Variants in KLHL3 observed in about 807,000 individuals in gnomAD.
KLHL3 encodes kelch like family member 3, also known as kelch-like protein 3.
A neutral mutation model predicts 70.5 loss-of-function variants in KLHL3; 19 were observed. That is an observed-to-expected ratio of 0.27 (90% confidence interval 0.19 to 0.40). The LOEUF is 0.40. Ranked by LOEUF, KLHL3 falls within the 10% of genes least tolerant of loss-of-function variation. KLHL3 has a pLI of 1.00. For synonymous variants in KLHL3, 258 were observed against 290.3 expected (o/e 0.89, Z 1.13); for missense variants, 512 against 771.1 (o/e 0.66, Z 3.98).
At chr5:137,644,325 C>T (rs1464265120) in intron 8 of KLHL3, among the ~76,000 whole-genome samples, 1 of 152,234 alleles carries the variant, frequency 6.6e-6, no homozygotes, top group East Asian at 1.9e-4. Flanking sequence ...TCGCCTCGGC[C>T]TCCCAAAGTG....
intron 3 of KLHL3, among the ~76,000 whole-genome samples, chr5:137,699,727 A>G (rs975296801): frequency 2.0e-5 from 3 of 152,230 alleles, no homozygotes; most frequent in Non-Finnish European, 4.4e-5. Flanking sequence ...GTCTTTGTAG[A>G]CTGAAATAAA....
intron 1 of KLHL3, among the ~76,000 whole-genome samples, chr5:137,726,211 T>G (rs1449987701): frequency 6.6e-6 from 1 of 152,150 alleles, no homozygotes; most frequent in African/African-American, 2.4e-5. Context: ...ATTTGTTCTA[T>G]ATGTTGAGGG....
At chr5:137,666,374 C>A (rs554293655) in intron 6 of KLHL3, among the ~76,000 whole-genome samples, 1 of 152,294 alleles carries the variant, frequency 6.6e-6, no homozygotes, top group Non-Finnish European at 1.5e-5. Context: ...CTTTCTACTT[C>A]CCTTTATAGA....
chr5:137,677,613 T>A lies in KLHL3; in HGVS notation c.568A>T (p.Ser190Cys). The change falls in exon 6 of 15, where the codon AGC (serine) becomes TGC (cysteine). Residue 190 changes from serine to cysteine, a missense_variant. By Grantham distance (112) the Ser-to-Cys change is moderately radical. Coordinates refer to ENST00000309755, the MANE Select transcript of KLHL3 (RefSeq NM_017415.3). Reference protein sequence around the residue: ...PEVMLGEEFLSLSLDQVCSLI... With the variant: ...PEVMLGEEFLCLSLDQVCSLI... The stretch of plus-strand genomic sequence containing the variant: ...CTGCACACCTGGTCCAGACTCAGGC[T>A]AAGAAATTCTTCTCCTAGCATCACC... 1 of 1,608,746 alleles carries A rather than the reference T, an allele frequency of 6.2e-7. No individual in the cohort carries two copies. Among genetic ancestry groups the A allele is most frequent in the African/African-American group, 1.3e-5 (1 of 74,320 alleles).
intron 11 of KLHL3, among the ~76,000 whole-genome samples, chr5:137,636,290 C>A (rs1380726466): frequency 6.6e-6 from 1 of 152,206 alleles, no homozygotes; most frequent in Non-Finnish European, 1.5e-5. Context: ...GGATGTTACA[C>A]TCACCCCAGG....
intron 4 of KLHL3, among the ~76,000 whole-genome samples, chr5:137,693,478 T>C (rs1752372407): frequency 1.3e-5 from 2 of 152,102 alleles, no homozygotes; most frequent in African/African-American, 4.8e-5. Context: ...CCTAGGACTT[T>C]CCCTCAGCTG....
chr5:137,646,942 T>A (rs1751063627), intron 8 of KLHL3, among the ~76,000 whole-genome samples: 2 of 152,188 alleles, frequency 1.3e-5, no homozygotes, highest in South Asian at 4.1e-4. Context: ...GCAGCATACT[T>A]AGGAGTTTGG....
intron 14 of KLHL3, among the ~76,000 whole-genome samples, chr5:137,622,456 G>A (rs991194476): frequency 8.5e-5 from 13 of 152,260 alleles, no homozygotes; most frequent in African/African-American, 3.1e-4. Context: ...CCCAGGGGCA[G>A]CTATGCAGTT....
intron 8 of KLHL3, among the ~76,000 whole-genome samples, chr5:137,641,149 T>C (rs778790616): frequency 2.6e-5 from 4 of 152,240 alleles, no homozygotes; most frequent in South Asian, 4.1e-4. Context: ...TACAAATTCA[T>C]AGCTGTCCCC....
At chr5:137,629,755 A>G (rs565271339) in intron 12 of KLHL3, 4 of 146,444 alleles carry the variant, frequency 2.7e-5, no homozygotes, top group South Asian at 4.3e-4. Context: ...TGTTGTACCA[A>G]CAATGGCTCT....
intron 3 of KLHL3, 142 bp downstream of exon 3, chr5:137,709,608 C>T: frequency 1.5e-6 from 1 of 670,648 alleles, no homozygotes; most frequent in Non-Finnish European, 2.6e-6. Flanking sequence ...TGGCACAAAG[C>T]ACACTATCTG....
At chr5:137,675,767 G>A (rs374463919) in intron 6 of KLHL3, among the ~76,000 whole-genome samples, 22 of 152,112 alleles carry the variant, frequency 1.4e-4, no homozygotes, top group Admixed American at 5.2e-4. Flanking sequence ...AGCAAGATGG[G>A]CCAGCATGAA....
intron 3 of KLHL3, 140 bp from the exon 4 acceptor site, chr5:137,698,548 G>A: frequency 1.1e-6 from 1 of 948,018 alleles, no homozygotes; most frequent in Non-Finnish European, 1.6e-6. Flanking sequence ...TTCAGGCACA[G>A]AAGAGGATAA....
At chr5:137,642,765 A>T (rs998087282) in intron 8 of KLHL3, among the ~76,000 whole-genome samples, 1 of 152,210 alleles carries the variant, frequency 6.6e-6, no homozygotes, top group African/African-American at 2.4e-5. Context: ...AAAAGCAAGC[A>T]AAATAAAAAG....
chr5:137,728,477 C>G (rs1390682345), intron 1 of KLHL3, among the ~76,000 whole-genome samples: 1 of 152,152 alleles, frequency 6.6e-6, no homozygotes, highest in Non-Finnish European at 1.5e-5. Context: ...CTCCACCTCA[C>G]GTTCAGAGAG....
chr5:137,618,759 CAA>C lies in KLHL3; in HGVS notation c.*3337_*3338del, dbSNP rs58917494. 5.3e-4 allele frequency: 59 copies of C among 110,520 alleles called. No homozygotes were observed. The highest frequency in any genetic ancestry group is 9.2e-4 in the East Asian group (4 of 4,350). 6.8% of individuals were successfully genotyped at this position (110,520 alleles called of 1,614,324 possible). A position where few individuals can be genotyped will look rare whatever the true frequency, so the allele number is the denominator to read the frequency against. ...CCTCACCCCCACAGAAAGCAGACTC[CAA>C]AAAAAAAAAAAAAGACACAATCAAT... On this transcript the variant is annotated 3_prime_UTR_variant, in exon 15 of 15. Transcript: ENST00000309755.
chr5:137,654,814 C>T (rs1751299027), intron 8 of KLHL3, among the ~76,000 whole-genome samples: 1 of 152,148 alleles, frequency 6.6e-6, no homozygotes, highest in African/African-American at 2.4e-5. Flanking sequence ...GTAGGGATGA[C>T]AGAAGGATGG....
chr5:137,726,210 A>G (rs10070533), intron 1 of KLHL3, among the ~76,000 whole-genome samples: 3,474 of 152,232 alleles, frequency 0.023, 130 homozygotes, highest in African/African-American at 0.075. Context: ...CATTTGTTCT[A>G]TATGTTGAGG....
intron 6 of KLHL3, among the ~76,000 whole-genome samples, chr5:137,662,756 C>CAGCA (rs1490074704): frequency 1.3e-5 from 2 of 152,086 alleles, no homozygotes; most frequent in East Asian, 3.9e-4. Flanking sequence ...ATGGGGAAAC[C>CAGCA]AGCAGTGTCT....
Sources: allele counts gnomAD v4.1 joint callset (sites outside exome capture counted in the v4.1 genomes callset), GRCh38; gene constraint gnomAD v4.1.1; transcripts MANE v1.5; gene names NCBI Gene and HGNC (gene_info 2026-07-23, HGNC 2026-07-21).